Variants in ADD1 observed in about 807,000 individuals in gnomAD.
ADD1 encodes alpha-adducin.
Under a neutral mutation model 80.5 loss-of-function variants are expected in ADD1, and 24 were observed. The observed-to-expected ratio is 0.30, with a 90% CI of 0.22 to 0.42. The LOEUF (loss-of-function observed/expected upper bound fraction) is 0.42. ADD1 is among the 10% of genes least tolerant of loss of function. The probability of loss-of-function intolerance (pLI) is 1.00; values close to 1 mark genes in which losing one functional copy is unlikely to be tolerated. For synonymous variants in ADD1, 373 were observed against 393.8 expected, an observed-to-expected ratio of 0.95 and a Z score of 0.63; for missense variants, 948 against 1,019.0, an observed-to-expected ratio of 0.93 and a Z score of 0.95.
intron 14 of ADD1, among the ~76,000 whole-genome samples, chr4:2,921,525 C>T (rs2109183455): frequency 6.6e-6 from 1 of 152,304 alleles, no homozygotes; most frequent in South Asian, 2.1e-4. Flanking sequence ...TGATGGGCTT[C>T]CCTTTGTGGG....
At chr4:2,872,594 G>C (rs907843157) in intron 1 of ADD1, among the ~76,000 whole-genome samples, 6 of 152,202 alleles carry the variant, frequency 3.9e-5, no homozygotes, top group African/African-American at 1.4e-4. Context: ...GTCTTGCTCT[G>C]TCACCCATGC....
chr4:2,894,797 C>G, intron 6 of ADD1, 66 bp downstream of exon 6: 2 of 1,495,526 alleles, frequency 1.3e-6, no homozygotes, highest in Non-Finnish European at 1.8e-6. Flanking sequence ...TGCACGTTTC[C>G]TCTGAATTGC....
chr4:2,909,797 T>A (rs1216378734), intron 13 of ADD1, among the ~76,000 whole-genome samples: 1 of 151,958 alleles, frequency 6.6e-6, no homozygotes, highest in African/African-American at 2.4e-5. Context: ...AGTCTGTTGC[T>A]GTTGGCAGCG....
At chr4:2,855,181 A>G (rs1433126859) in intron 1 of ADD1, among the ~76,000 whole-genome samples, 1 of 152,178 alleles carries the variant, frequency 6.6e-6, no homozygotes, top group Admixed American at 6.5e-5. Context: ...TTTGCCATAT[A>G]AAGTAATATT....
chr4:2,921,288 C>T lies in ADD1; in HGVS notation c.1949-4726C>T, dbSNP rs181399597. 1.1e-3 allele frequency among the ~76,000 whole-genome samples: 167 copies of T among 152,236 alleles called. 1 individual carries two copies. The highest frequency in any genetic ancestry group is 3.6e-3 in the Admixed American group (55 of 15,276). On this transcript the variant is annotated intron_variant, in intron 14 of 15. Transcript: ENST00000683351. ...GACTACAGGTGCACGCCAGCATGCC[C>T]AGCTAATTTTTTTGTATTTTTAGTA...
chr4:2,927,523 G>A (rs1450735633), intron 15 of ADD1, among the ~76,000 whole-genome samples: 2 of 152,248 alleles, frequency 1.3e-5, no homozygotes, highest in African/African-American at 4.8e-5. Flanking sequence ...GCCCGGGTAA[G>A]TGCAAGGAAG....
chr4:2,863,565 G>T (rs566315223), intron 1 of ADD1, among the ~76,000 whole-genome samples: 2 of 152,230 alleles, frequency 1.3e-5, no homozygotes, highest in South Asian at 4.1e-4. Flanking sequence ...AAGTTCATAG[G>T]CTTGGAAGCC....
At chr4:2,878,016 T>A (rs560545593) in intron 2 of ADD1, among the ~76,000 whole-genome samples, 1 of 152,006 alleles carries the variant, frequency 6.6e-6, no homozygotes, top group East Asian at 1.9e-4. Context: ...TAACATGAAA[T>A]TCCTAGGATA....
At chr4:2,871,615 C>G (rs1403426446) in intron 1 of ADD1, among the ~76,000 whole-genome samples, 1 of 152,132 alleles carries the variant, frequency 6.6e-6, no homozygotes, top group Non-Finnish European at 1.5e-5. Context: ...AATCACGGAG[C>G]GTTTCAAACA....
At chr4:2,864,526 C>T (rs1489666009) in intron 1 of ADD1, among the ~76,000 whole-genome samples, 1 of 152,176 alleles carries the variant, frequency 6.6e-6, no homozygotes, top group Non-Finnish European at 1.5e-5. Flanking sequence ...CCAACAGTGT[C>T]CTCTGTTCAT....
chr4:2,903,523 C>T (rs1200472130), intron 9 of ADD1, among the ~76,000 whole-genome samples: 13 of 152,222 alleles, frequency 8.5e-5, no homozygotes, highest in Non-Finnish European at 5.9e-5. Context: ...CATCCAGGCT[C>T]TTCTAGACTG....
chr4:2,885,673 A>T (rs539576594), intron 4 of ADD1, among the ~76,000 whole-genome samples: 1 of 151,222 alleles, frequency 6.6e-6, no homozygotes, highest in Non-Finnish European at 1.5e-5. Flanking sequence ...GCAGTGGTGC[A>T]ATCTCGGCTC....
chr4:2,868,502 G>A (rs1418413477), intron 1 of ADD1, among the ~76,000 whole-genome samples: 5 of 152,088 alleles, frequency 3.3e-5, no homozygotes, highest in African/African-American at 4.8e-5. Context: ...GTTTCACTGC[G>A]TATTTCCTGA....
At chr4:2,909,968 C>CAA (rs35681850) in intron 13 of ADD1, among the ~76,000 whole-genome samples, 14 of 119,784 alleles carry the variant, frequency 1.2e-4, no homozygotes, top group African/African-American at 2.5e-4. Context: ...ATTTGTACCT[C>CAA]AAAAAAAAAA....
At chr4:2,900,983 A>G (rs916036441) in intron 9 of ADD1, 10 of 152,492 alleles carry the variant, frequency 6.6e-5, no homozygotes, top group Admixed American at 6.5e-4. Context: ...CTGTGCAGTC[A>G]TAGGCATGAT....
At chr4:2,881,327 C>T (rs151030803) in intron 2 of ADD1, among the ~76,000 whole-genome samples, 4,170 of 152,142 alleles carry the variant, frequency 0.027, 95 homozygotes, top group Middle Eastern at 0.061. Context: ...GATCCACCTG[C>T]CTTCGCCTCC....
chr4:2,905,397 G>T, intron 10 of ADD1: 1 of 431,286 alleles, frequency 2.3e-6, no homozygotes, highest in Non-Finnish European at 4.1e-6. Context: ...ACAAATAGGA[G>T]CTCTTCTTAT....
At chr4:2,865,924 T>C (rs1034582585) in intron 1 of ADD1, among the ~76,000 whole-genome samples, 2 of 152,234 alleles carry the variant, frequency 1.3e-5, no homozygotes, top group African/African-American at 4.8e-5. Context: ...AATTCTGCTT[T>C]TTCCCACATG....
intron 1 of ADD1, among the ~76,000 whole-genome samples, chr4:2,874,102 T>G (rs1730869168): frequency 6.6e-6 from 1 of 151,888 alleles, no homozygotes; most frequent in East Asian, 1.9e-4. Context: ...TAGTCTCAGC[T>G]ATGCAGGAGG....
Sources: gnomAD v4.1 joint callset for allele counts (sites outside exome capture counted in the v4.1 genomes callset) on GRCh38, gnomAD v4.1.1 for gene constraint, MANE v1.5 for transcripts, NCBI Gene and HGNC (gene_info 2026-07-23, HGNC 2026-07-21) for gene names.